The following NCKAP5 variants were observed in gnomAD, a reference collection of about 807,000 sequenced individuals.
NCKAP5 encodes nck-associated protein 5.
NCKAP5 carries 92 observed loss-of-function variants against 167.0 expected under a neutral mutation model. The ratio of observed to expected loss-of-function variants is 0.55; its 90% CI spans 0.47 to 0.66. The LOEUF is 0.66. Among genes scored for constraint, NCKAP5 ranks in the 30% least tolerant of loss-of-function variants. The probability of loss-of-function intolerance (pLI) is 0.00; values close to 1 mark genes in which losing one functional copy is unlikely to be tolerated. For synonymous variants in NCKAP5, 891 were observed against 877.4 expected (o/e 1.02, Z -0.27); for missense variants, 2,378 against 2,315.0 (o/e 1.03, Z -0.56).
chr2:133,179,851 G>GA, intron 5 of NCKAP5, among the ~76,000 whole-genome samples: 1 of 152,124 alleles, frequency 6.6e-6, no homozygotes, highest in East Asian at 1.9e-4. Context: ...GAATGTGTAG[G>GA]AATGAAACAG....
Position 132,672,438 on chromosome 2 carries a change from C to T in NCKAP5, c.*851G>A, listed in dbSNP as rs1172937086. 1 of 152,174 alleles carries T rather than the reference C, an allele frequency of 6.6e-6. No individual in the cohort carries two copies. The highest frequency in any genetic ancestry group is 1.5e-5 in the Non-Finnish European group (1 of 68,024). The allele number at this position is 152,174 out of a possible 1,614,324, so 9.4% of individuals were successfully genotyped here. On this transcript the variant is annotated 3_prime_UTR_variant, in exon 20 of 20. Coordinates refer to ENST00000409261, the MANE Select transcript of NCKAP5 (RefSeq NM_207363.3). ...GCAGAATGACACTTATTACTATCACCTGAATCTCTGGCAACGAATCTGAAA... is the reference window on the plus strand; with the variant it reads ...GCAGAATGACACTTATTACTATCACTTGAATCTCTGGCAACGAATCTGAAA...
intron 6 of NCKAP5, among the ~76,000 whole-genome samples, chr2:133,126,761 T>C (rs2082416913): frequency 6.6e-6 from 1 of 152,232 alleles, no homozygotes; most frequent in African/African-American, 2.4e-5. Flanking sequence ...GTTTCTTTTT[T>C]TCTTTTGATC....
intron 3 of NCKAP5, among the ~76,000 whole-genome samples, chr2:133,306,771 A>G (rs968048574): frequency 5.3e-5 from 8 of 152,212 alleles, no homozygotes; most frequent in African/African-American, 1.9e-4. Context: ...GTTTTGGTGT[A>G]TTGGCACTGA....
intron 6 of NCKAP5, among the ~76,000 whole-genome samples, chr2:133,105,995 A>C (rs1354267818): frequency 1.3e-5 from 2 of 152,042 alleles, no homozygotes; most frequent in African/African-American, 4.8e-5. Flanking sequence ...CCTTCTACCT[A>C]AACCCGTCCC....
At chr2:133,240,349 T>A (rs936365000) in intron 4 of NCKAP5, among the ~76,000 whole-genome samples, 2 of 151,900 alleles carry the variant, frequency 1.3e-5, no homozygotes, top group African/African-American at 4.8e-5. Context: ...AGTACAAGAG[T>A]GACATGGAAT....
intron 8 of NCKAP5, among the ~76,000 whole-genome samples, chr2:132,898,795 C>T (rs1211009680): frequency 6.6e-6 from 1 of 152,206 alleles, no homozygotes; most frequent in African/African-American, 2.4e-5. Flanking sequence ...GTAAAATATT[C>T]TGTGAACCAT....
chr2:133,459,438 G>T (rs1030068481), intron 3 of NCKAP5, among the ~76,000 whole-genome samples: 4 of 151,940 alleles, frequency 2.6e-5, no homozygotes, highest in Admixed American at 6.6e-5. Flanking sequence ...GTTCCTCTGG[G>T]GCCTATCAGA....
At chr2:133,073,934 G>C (rs1410177725) in intron 6 of NCKAP5, among the ~76,000 whole-genome samples, 1 of 152,172 alleles carries the variant, frequency 6.6e-6, no homozygotes, top group Non-Finnish European at 1.5e-5. Flanking sequence ...GCAAATGGCT[G>C]CAACTTAAGA....
chr2:133,536,399 T>C (rs952409068), intron 2 of NCKAP5, among the ~76,000 whole-genome samples: 1 of 152,134 alleles, frequency 6.6e-6, no homozygotes, highest in African/African-American at 2.4e-5. Context: ...AGGGTGTCAT[T>C]TCCCCATTGT....
At chr2:133,345,819 C>G (rs1408151784) in intron 3 of NCKAP5, among the ~76,000 whole-genome samples, 1 of 151,464 alleles carries the variant, frequency 6.6e-6, no homozygotes, top group Non-Finnish European at 1.5e-5. Flanking sequence ...AAAGGAAGTG[C>G]AGTTACTGAA....
intron 4 of NCKAP5, among the ~76,000 whole-genome samples, chr2:133,269,953 C>T (rs1574557385): frequency 6.6e-6 from 1 of 152,136 alleles, no homozygotes; most frequent in East Asian, 1.9e-4. Context: ...TAACTCCAAG[C>T]ATTTGGCCCT....
In NCKAP5 at chr2:133,268,750, G is replaced by C. The variant is rs1318527021; in HGVS notation, c.143+34287C>G. ...CTCCAAAAGTGCTGGGATTACAGGCGTGAGCCACCGCACCCGGCCGATTTT... is the reference window on the plus strand; with the variant it reads ...CTCCAAAAGTGCTGGGATTACAGGCCTGAGCCACCGCACCCGGCCGATTTT... On this transcript the variant is annotated intron_variant, in intron 4 of 19. Coordinates refer to ENST00000409261, the MANE Select transcript of NCKAP5 (RefSeq NM_207363.3). Among the ~76,000 whole-genome samples the C allele has an allele frequency of 3.3e-5, 5 of 152,166 alleles. No individual in the cohort carries two copies. In the East Asian group the frequency reaches 9.6e-4, roughly 29 times the overall value.
intron 7 of NCKAP5, among the ~76,000 whole-genome samples, chr2:132,977,950 T>C (rs927563482): frequency 6.6e-6 from 1 of 152,216 alleles, no homozygotes; most frequent in South Asian, 2.1e-4. Context: ...CTTTGTCACA[T>C]AGTGGGATGT....
intron 4 of NCKAP5, among the ~76,000 whole-genome samples, chr2:133,242,148 A>G (rs2087740483): frequency 6.6e-6 from 1 of 151,002 alleles, no homozygotes; most frequent in Non-Finnish European, 1.5e-5. Flanking sequence ...AAAAGCAAAA[A>G]TGACCAAGGC....
At chr2:133,281,700 T>C (rs1223154165) in intron 4 of NCKAP5, among the ~76,000 whole-genome samples, 1 of 152,194 alleles carries the variant, frequency 6.6e-6, no homozygotes, top group African/African-American at 2.4e-5. Context: ...AGGCAGGATA[T>C]TTTGGAAGGA....
intron 4 of NCKAP5, among the ~76,000 whole-genome samples, chr2:133,249,719 C>T (rs2088203966): frequency 6.6e-6 from 1 of 152,158 alleles, no homozygotes; most frequent in Non-Finnish European, 1.5e-5. Context: ...AGCTGACAAT[C>T]TGACAATAAA....
chr2:132,729,014 G>A, intron 17 of NCKAP5, 62 bp from the exon 18 acceptor site: 1 of 1,593,948 alleles, frequency 6.3e-7, no homozygotes. Context: ...ACAAGTTTAG[G>A]GAAGGAGGTG....
intron 4 of NCKAP5, among the ~76,000 whole-genome samples, chr2:133,299,318 C>T (rs1680188637): frequency 6.6e-6 from 1 of 152,266 alleles, no homozygotes; most frequent in East Asian, 1.9e-4. Flanking sequence ...CAAGAAGAGG[C>T]AACCCGGCCT....
intron 6 of NCKAP5, among the ~76,000 whole-genome samples, chr2:133,103,574 A>G (rs2081587205): frequency 6.6e-6 from 1 of 152,144 alleles, no homozygotes; most frequent in African/African-American, 2.4e-5. Flanking sequence ...TGAGAGAACC[A>G]CTTGAGGCCA....
Sources: allele counts gnomAD v4.1 joint callset (sites outside exome capture counted in the v4.1 genomes callset), GRCh38; gene constraint gnomAD v4.1.1; transcripts MANE v1.5; gene names NCBI Gene and HGNC (gene_info 2026-07-23, HGNC 2026-07-21).